Variants in KCNH2 observed in about 807,000 individuals in gnomAD.
The protein encoded by KCNH2 is voltage-gated inwardly rectifying potassium channel KCNH2.
Under a neutral mutation model 95.9 loss-of-function variants are expected in KCNH2, and 35 were observed. The ratio of observed to expected loss-of-function variants is 0.37; its 90% CI spans 0.28 to 0.48. The LOEUF is 0.48. Ranked by LOEUF, KCNH2 falls within the 20% of genes least tolerant of loss-of-function variation. The probability of loss-of-function intolerance (pLI) is 0.99; values close to 1 mark genes in which losing one functional copy is unlikely to be tolerated. For missense variants in KCNH2, 1,274 were observed against 1,702.9 expected (o/e 0.75, Z 4.43); for synonymous variants, 786 against 754.7 (o/e 1.04, Z -0.68).
At chr7:150,968,947 G>T (rs1458384342) in intron 2 of KCNH2, among the ~76,000 whole-genome samples, 1 of 152,208 alleles carries the variant, frequency 6.6e-6, no homozygotes, top group Non-Finnish European at 1.5e-5. Flanking sequence ...TGCTTTGTGG[G>T]TGTCTGTCAT....
At position 150,947,787 on chromosome 7, in the gene KCNH2, C is replaced by A; in HGVS notation, c.2784G>T (p.Gly928=). The A allele has an allele frequency of 6.5e-7, 1 of 1,534,334 alleles. No individual in the cohort carries two copies. Among genetic ancestry groups the A allele is most frequent in the South Asian group, 1.2e-5 (1 of 83,742 alleles). The change falls in exon 12 of 15, where the codon GGG becomes GGT. Residue 928 remains glycine (G), a synonymous_variant. Transcript: ENST00000262186. ...TGGAGGGGCCACTGGACGGGCTCTC[C>A]CCCCACGGCCCCCCCGGCCGGCCCC... The part of the protein sequence containing the change: ...SSRGRPGGPW[G]ESPSSGPSSP...
chr7:150,947,080 A>G (rs747667985), intron 13 of KCNH2, 26 bp from the exon 14 acceptor site: 11 of 1,325,484 alleles, frequency 8.3e-6, no homozygotes, highest in Non-Finnish European at 1.1e-5. Context: ...GGGGATGCTC[A>G]GAGAAGTGGG....
At chr7:150,975,934 G>A (rs1466213726) in intron 1 of KCNH2, among the ~76,000 whole-genome samples, 1 of 152,208 alleles carries the variant, frequency 6.6e-6, no homozygotes, top group Non-Finnish European at 1.5e-5. Context: ...CCTCAGTTTG[G>A]CCTCATCCTG....
intron 2 of KCNH2, among the ~76,000 whole-genome samples, chr7:150,964,658 G>T (rs908550532): frequency 6.6e-6 from 1 of 152,216 alleles, no homozygotes; most frequent in African/African-American, 2.4e-5. Context: ...TGCAGGGAAG[G>T]TGACCTCAGG....
rs772979825 is a variant in KCNH2, at chr7:150,958,285, C to T, written c.690G>A (p.Glu230=). 4.1e-6 allele frequency: 6 copies of T among 1,461,550 alleles called. No homozygotes were observed. The South Asian group carries it at 7.9e-5, about 19-fold the overall frequency. The allele number at this position is 1,461,550 out of a possible 1,614,324, so 90.5% of individuals were successfully genotyped here. A position where few individuals can be genotyped will look rare whatever the true frequency, so the allele number is the denominator to read the frequency against. The part of the protein sequence containing the change: ...NHVAGLGPAE[E]RRALVGPGSP... ...AGCCGGGACCCACCAGCGCACGCCG[C>T]TCCTCCGCGGGCCCGAGCCCTGCCA... The change falls in exon 4 of 15, where the codon GAG becomes GAA. Residue 230 remains glutamate (E), a synonymous_variant. Transcript: ENST00000262186.
intron 2 of KCNH2, among the ~76,000 whole-genome samples, chr7:150,964,749 C>A (rs796358566): frequency 6.6e-6 from 1 of 152,242 alleles, no homozygotes. Context: ...CCCAAAGTCA[C>A]GCTGAGGGCA....
At position 150,961,552 on chromosome 7, in the gene KCNH2, G is replaced by A. The variant is rs972726728; in HGVS notation, c.308-1816C>T. ...TGGCCTCAAGTGATCTGCCTGCCTC[G>A]GCCTCCCAAAGTGCAAGGATTACAG... On this transcript the variant is annotated intron_variant, in intron 2 of 14. Coordinates refer to ENST00000262186, the MANE Select transcript of KCNH2 (RefSeq NM_000238.4). The surrounding 1 kb of genome is among the most constrained non-coding windows in gnomAD (Gnocchi z 6.2). 3.3e-5 allele frequency among the ~76,000 whole-genome samples: 5 copies of A among 151,890 alleles called. No individual in the cohort carries two copies. The highest frequency in any genetic ancestry group is 2.1e-4 in the South Asian group (1 of 4,796).
In KCNH2 at chr7:150,961,780, AG is replaced by A. The variant is rs1801573220; in HGVS notation, c.308-2045del. Among the ~76,000 whole-genome samples, 1 of 152,122 alleles carries A rather than the reference AG, an allele frequency of 6.6e-6. No homozygotes were observed. The highest frequency in any genetic ancestry group is 6.5e-5 in the Admixed American group (1 of 15,280). On this transcript the variant is annotated intron_variant, in intron 2 of 14. Coordinates refer to ENST00000262186, the MANE Select transcript of KCNH2 (RefSeq NM_000238.4). This position sits in a 1 kb window ranked among gnomAD's most constrained non-coding sequence, Gnocchi z 6.2. ...AGCTGGTGCTTGAAGCCTGACAGTG[AG>A]GTCAAGGGGCTGCGTGCTGGGGAGG... is the stretch of plus-strand genomic sequence containing the variant.
chr7:150,974,611 G>GCCCCCCCCCCCCCCCCCCCCCCCCCCCC lies in KCNH2; in HGVS notation c.307+99_307+100insGGGGGGGGGGGGGGGGGGGGGGGGGGGG. 5.0e-6 allele frequency: 4 copies of GCCCCCCCCCCCCCCCCCCCCCCCCCCCC among 795,738 alleles called. No homozygotes were observed. In the South Asian group the frequency reaches 5.2e-5, roughly 10 times the overall value. 49.3% of individuals were successfully genotyped at this position (795,738 alleles called of 1,614,324 possible). A position where few individuals can be genotyped will look rare whatever the true frequency, so the allele number is the denominator to read the frequency against. ...CCCGGGCTCGGGGCGTTCTCCAGCCGCCCCCACACCCCCACACCCCCACGC... is the reference window on the plus strand; with the variant it reads ...CCCGGGCTCGGGGCGTTCTCCAGCCGCCCCCCCCCCCCCCCCCCCCCCCCCCCCCCCCCACACCCCCACACCCCCACGC... On this transcript the variant is annotated intron_variant, in intron 2 of 14. Transcript: ENST00000262186.
chr7:150,957,458 C>A lies in KCNH2; in HGVS notation c.961G>T (p.Asp321Tyr), dbSNP rs886062089. Residue 321 changes from aspartate to tyrosine, a missense_variant, in exon 5 of 15, where the codon GAC (aspartate) becomes TAC (tyrosine). By Grantham distance (160) the Asp-to-Tyr change is radical. Coordinates refer to ENST00000262186, the MANE Select transcript of KCNH2 (RefSeq NM_000238.4). ...LRSGLLNSTS[D>Y]SDLVRYRTIS... is the part of the protein sequence containing the mutation. The stretch of plus-strand genomic sequence containing the variant: ...GTGCGGTAGCGCACGAGGTCGGAGT[C>A]CGAGGTGGAGTTGAGCAAGCCGCTG... 1.2e-6 allele frequency: 2 copies of A among 1,614,126 alleles called. No individual in the cohort carries two copies. The highest frequency in any genetic ancestry group is 3.3e-5 in the Admixed American group (2 of 60,028).
intron 5 of KCNH2, chr7:150,955,272 C>G (rs41313080): frequency 1.0e-6 from 1 of 994,034 alleles, no homozygotes; most frequent in African/African-American, 1.6e-5. Flanking sequence ...CCAGGCCCCA[C>G]GGCTCCCAAA....
intron 1 of KCNH2, among the ~76,000 whole-genome samples, chr7:150,977,177 T>G (rs1801999485): frequency 2.0e-5 from 3 of 152,050 alleles, no homozygotes; most frequent in Admixed American, 1.3e-4. Context: ...AACCCACAAC[T>G]TGGGGGTACC....
rs139722868 is a variant in KCNH2 at position 150,947,020 on chromosome 7, C to G, written c.3187G>C (p.Val1063Leu). The G allele has an allele frequency of 9.3e-6, 15 of 1,609,350 alleles. No individual in the cohort carries two copies. The African/African-American group carries it at 1.9e-4, about 20-fold the overall frequency. Residue 1063 changes from valine to leucine, a missense_variant, in exon 14 of 15, where the codon GTC becomes CTC. Transcript: ENST00000262186. ...ETRLSADMAT[V>L]LQLLQRQMTL... ...ATCTGCCTCTGTAGCAGCTGCAGGA[C>G]AGTGGCCATGTCTGCACTCAGCCGG...
At chr7:150,974,641 T>G in intron 2 of KCNH2, 70 bp downstream of exon 2, 3 of 226,678 alleles carry the variant, frequency 1.3e-5, no homozygotes, top group African/African-American at 7.1e-5. Flanking sequence ...CCACGCACCC[T>G]GCCCCTCGCC....
rs1800913062 is a variant in KCNH2, at chr7:150,946,945, G to A, written c.3262C>T (p.Pro1088Ser). The A allele has an allele frequency of 6.2e-7, 1 of 1,604,076 alleles. No individual in the cohort carries two copies. The highest frequency in any genetic ancestry group is 8.5e-7 in the Non-Finnish European group (1 of 1,173,528). ...GGCAACAGCGGGGATGTGGAAGTGG[G>A]GCCAGGCCCCGGGGTGGTCACAGCA... ...YSAVTTPGPGPTSTSPLLPVS... is the reference protein window; with the variant it reads ...YSAVTTPGPGSTSTSPLLPVS... Residue 1088 changes from proline (P) to serine (S), a missense_variant, in exon 14 of 15, where the codon CCC (proline) becomes TCC (serine). Around this residue, in one of 7 missense-constraint regions of KCNH2, gnomAD observed 457 missense variants for 416.1 expected, o/e 1.10. Transcript: ENST00000262186. This position sits in a 1 kb window ranked among gnomAD's most constrained non-coding sequence, Gnocchi z 6.5.
In KCNH2 at chr7:150,959,616, T is replaced by C; in HGVS notation, c.428A>G (p.His143Arg). The C allele has an allele frequency of 6.2e-7, 1 of 1,614,164 alleles. No homozygotes were observed. Among genetic ancestry groups the C allele is most frequent in the Non-Finnish European group, 8.5e-7 (1 of 1,180,028 alleles). The change falls in exon 3 of 15, where the codon CAT becomes CGT. Residue 143 changes from histidine to arginine, a missense_variant. Coordinates refer to ENST00000262186, the MANE Select transcript of KCNH2 (RefSeq NM_000238.4). ...GGGGGGGCCCCGGTGGTTGGTGTCATGAGCCGGGGACCCCACCATGTCCTT... is the reference window on the plus strand; with the variant it reads ...GGGGGGGCCCCGGTGGTTGGTGTCACGAGCCGGGGACCCCACCATGTCCTT... ...MEKDMVGSPAHDTNHRGPPTS... is the reference protein window; with the variant it reads ...MEKDMVGSPARDTNHRGPPTS...
rs1801045447 is a variant in KCNH2, at chr7:150,949,361, T to C, written c.2399-312A>G. On this transcript the variant is annotated intron_variant, in intron 9 of 14. Transcript: ENST00000262186. ...CCAATCACTGCACCCTTATAAGCAA[T>C]GTTCTTCAAACCAAAGATCAGAACA... is the stretch of plus-strand genomic sequence containing the variant. 4.0e-6 allele frequency: 5 copies of C among 1,261,278 alleles called. No individual in the cohort carries two copies. The South Asian group carries it at 5.9e-5, about 15-fold the overall frequency. 78.1% of individuals were successfully genotyped at this position (1,261,278 alleles called of 1,614,324 possible). A position where few individuals can be genotyped will look rare whatever the true frequency, so the allele number is the denominator to read the frequency against.
At chr7:150,957,215 C>G (rs377304222) in intron 5 of KCNH2, 76 bp downstream of exon 5, 2 of 1,270,894 alleles carry the variant, frequency 1.6e-6, no homozygotes, top group Non-Finnish European at 2.2e-6. Flanking sequence ...CCACCCGGCT[C>G]TGGATCACAG....
intron 2 of KCNH2, among the ~76,000 whole-genome samples, chr7:150,970,344 C>T (rs1414388824): frequency 6.6e-6 from 1 of 152,040 alleles, no homozygotes; most frequent in Non-Finnish European, 1.5e-5. Context: ...AACTCTGCTC[C>T]CATCTCAGAC....
Sources: gnomAD v4.1 joint callset for allele counts (sites outside exome capture counted in the v4.1 genomes callset) on GRCh38, gnomAD v4.1.1 for gene constraint, gnomAD v4.1.1 regional missense constraint, Gnocchi (gnomAD v3.1) non-coding constraint, MANE v1.5 for transcripts, NCBI Gene and HGNC (gene_info 2026-07-23, HGNC 2026-07-21) for gene names.